The following DLGAP1 variants were observed in gnomAD, a reference collection of about 807,000 sequenced individuals.
DLGAP1 encodes disks large-associated protein 1.
Under a neutral mutation model 90.8 loss-of-function variants are expected in DLGAP1, and 11 were observed. The observed-to-expected ratio is 0.12, with a 90% CI of 0.08 to 0.20. DLGAP1 has a LOEUF of 0.20. Ranked by LOEUF, DLGAP1 falls within the 10% of genes least tolerant of loss-of-function variation. DLGAP1 has a pLI of 1.00. For missense variants in DLGAP1, 1,050 were observed against 1,333.8 expected (o/e 0.79, Z 3.31); for synonymous variants, 558 against 540.7 (o/e 1.03, Z -0.44).
At chr18:3,588,415 C>T (rs1043248727) in intron 7 of DLGAP1, among the ~76,000 whole-genome samples, 6 of 150,968 alleles carry the variant, frequency 4.0e-5, no homozygotes, top group Admixed American at 6.6e-5. Flanking sequence ...GCCGAGATTG[C>T]GCCATTGCAC....
chr18:4,077,438 G>C (rs1195317530), intron 2 of DLGAP1, among the ~76,000 whole-genome samples: 2 of 152,160 alleles, frequency 1.3e-5, no homozygotes, highest in South Asian at 4.1e-4. Context: ...CTCAGTGGAA[G>C]GTGTCTGGGC....
chr18:3,505,451 A>G (rs2050161222), intron 11 of DLGAP1, among the ~76,000 whole-genome samples: 1 of 151,870 alleles, frequency 6.6e-6, no homozygotes, highest in African/African-American at 2.4e-5. Flanking sequence ...AGCCTGGCCA[A>G]TATGATGAAA....
chr18:4,240,063 G>C (rs2078499324), intron 1 of DLGAP1, among the ~76,000 whole-genome samples: 1 of 152,120 alleles, frequency 6.6e-6, no homozygotes, highest in African/African-American at 2.4e-5. Context: ...TAATTTACTT[G>C]TTGTGTTAGG....
At chr18:4,028,532 T>G (rs1360118079) in intron 2 of DLGAP1, among the ~76,000 whole-genome samples, 2 of 152,246 alleles carry the variant, frequency 1.3e-5, no homozygotes, top group Non-Finnish European at 2.9e-5. Flanking sequence ...CTACTCACCC[T>G]GACTTGATTA....
At chr18:4,129,841 A>C (rs565206967) in intron 2 of DLGAP1, among the ~76,000 whole-genome samples, 107 of 152,160 alleles carry the variant, frequency 7.0e-4, no homozygotes, top group Non-Finnish European at 1.4e-3. Context: ...GAATATATAA[A>C]ATAATGTCTC....
At chr18:4,452,916 T>C (rs932816016) in intron 1 of DLGAP1, among the ~76,000 whole-genome samples, 4 of 152,192 alleles carry the variant, frequency 2.6e-5, no homozygotes, top group Non-Finnish European at 5.9e-5. Flanking sequence ...CTTTTGCCCA[T>C]ATTTATATTG....
chr18:4,154,563 C>A (rs1048614582), intron 1 of DLGAP1, among the ~76,000 whole-genome samples: 2 of 151,970 alleles, frequency 1.3e-5, no homozygotes, highest in Non-Finnish European at 1.5e-5. Flanking sequence ...AGAATACACA[C>A]TACAAAGGTA....
chr18:4,054,724 A>G (rs908356878), intron 2 of DLGAP1, among the ~76,000 whole-genome samples: 10 of 152,226 alleles, frequency 6.6e-5, no homozygotes, highest in African/African-American at 2.4e-4. Flanking sequence ...GATTGTTCAT[A>G]TTTGGTAACA....
intron 5 of DLGAP1, among the ~76,000 whole-genome samples, chr18:3,781,068 C>T (rs1304743348): frequency 6.6e-6 from 1 of 152,096 alleles, no homozygotes; most frequent in Non-Finnish European, 1.5e-5. Context: ...GCTTAAGTGA[C>T]CCTCCTGCCT....
chr18:3,779,918 T>G (rs957485260), intron 5 of DLGAP1, among the ~76,000 whole-genome samples: 1 of 152,042 alleles, frequency 6.6e-6, no homozygotes, highest in Admixed American at 6.6e-5. Context: ...GCTTTCCAAG[T>G]AGCTGGGAGG....
At chr18:4,249,998 C>T (rs974685135) in intron 1 of DLGAP1, among the ~76,000 whole-genome samples, 2 of 152,234 alleles carry the variant, frequency 1.3e-5, no homozygotes, top group African/African-American at 4.8e-5. Flanking sequence ...ATCCTTCAGC[C>T]ATGCATCTTT....
intron 7 of DLGAP1, among the ~76,000 whole-genome samples, chr18:3,592,316 A>C (rs958225158): frequency 2.0e-5 from 3 of 152,256 alleles, no homozygotes; most frequent in Non-Finnish European, 4.4e-5. Flanking sequence ...AGTGCATCAT[A>C]GGGCTCCTGC....
intron 3 of DLGAP1, chr18:3,984,068 T>C (rs1225608125): frequency 2.0e-5 from 3 of 152,202 alleles, no homozygotes; most frequent in Non-Finnish European, 2.9e-5. Context: ...GAAAAGCTTC[T>C]GAAACTTCTC....
rs188491764 is a variant in DLGAP1 at position 4,166,693 on chromosome 18, T to A, written c.-266-15406A>T. ...AGATAAATGAATGAACAATGTGGTATATTCGTATGAAGAAATATTATCCAG... is the reference window on the plus strand; with the variant it reads ...AGATAAATGAATGAACAATGTGGTAAATTCGTATGAAGAAATATTATCCAG... On this transcript the variant is annotated intron_variant, in intron 1 of 12. Coordinates refer to ENST00000315677, the MANE Select transcript of DLGAP1 (RefSeq NM_004746.4). Among the ~76,000 whole-genome samples the A allele has an allele frequency of 2.6e-5, 4 of 152,362 alleles. No homozygotes were observed. The East Asian group carries it at 7.7e-4, about 29-fold the overall frequency.
At chr18:3,799,689 C>G (rs1341299684) in intron 5 of DLGAP1, among the ~76,000 whole-genome samples, 1 of 152,070 alleles carries the variant, frequency 6.6e-6, no homozygotes. Flanking sequence ...TGGGCAACCA[C>G]TTAAATAAAC....
chr18:3,686,713 C>T (rs2060716173), intron 7 of DLGAP1, among the ~76,000 whole-genome samples: 1 of 152,148 alleles, frequency 6.6e-6, no homozygotes, highest in Admixed American at 6.5e-5. Context: ...GTGCATACCA[C>T]ATGCCCTCCA....
intron 2 of DLGAP1, among the ~76,000 whole-genome samples, chr18:4,047,959 C>T (rs560261390): frequency 7.9e-5 from 12 of 152,038 alleles, no homozygotes; most frequent in Admixed American, 3.3e-4. Context: ...CCATGCCCAG[C>T]GAAGTTTTTC....
At chr18:4,265,652 C>T (rs1382732556) in intron 1 of DLGAP1, among the ~76,000 whole-genome samples, 1 of 60,004 alleles carries the variant, frequency 1.7e-5, no homozygotes, top group Middle Eastern at 6.8e-3. Flanking sequence ...TCCCTCCCTC[C>T]CTCCCTCCCT....
At chr18:3,605,862 C>A (rs555709) in intron 7 of DLGAP1, among the ~76,000 whole-genome samples, 120,237 of 152,078 alleles carry the variant, frequency 0.79, 47,857 homozygotes, top group African/African-American at 0.87. Context: ...AAAAGCTAGC[C>A]GTAAACAAAA....
Sources: allele counts gnomAD v4.1 joint callset (sites outside exome capture counted in the v4.1 genomes callset), GRCh38; gene constraint gnomAD v4.1.1; transcripts MANE v1.5; gene names NCBI Gene and HGNC (gene_info 2026-07-23, HGNC 2026-07-21).